TMEM87A: variants seen among roughly 807,000 people sequenced by gnomAD.
TMEM87A encodes the protein Golgi-pH regulating cation channel.
Under a neutral mutation model 90.0 loss-of-function variants are expected in TMEM87A, and 50 were observed. The ratio of observed to expected loss-of-function variants is 0.56; its 90% CI spans 0.44 to 0.70. TMEM87A has a LOEUF of 0.70. Among genes scored for constraint, TMEM87A ranks in the 30% least tolerant of loss-of-function variants. The pLI is 0.00. For missense variants in TMEM87A, 577 were observed against 660.5 expected, an observed-to-expected ratio of 0.87 and a Z score of 1.39; for synonymous variants, 226 against 226.7, an observed-to-expected ratio of 1.00 and a Z score of 0.03.
At chr15:42,268,123 C>T (rs1322717465) in intron 2 of TMEM87A, 91 bp from the exon 3 acceptor site, 3 of 961,086 alleles carry the variant, frequency 3.1e-6, no homozygotes, top group South Asian at 1.7e-5. Flanking sequence ...TCATTTCGTA[C>T]CCTAAACTGA....
intron 9 of TMEM87A, 112 bp downstream of exon 9, chr15:42,237,320 T>C: frequency 1.0e-6 from 1 of 1,000,542 alleles, no homozygotes; most frequent in Middle Eastern, 3.0e-4. Flanking sequence ...GATATTGTAA[T>C]AATTAAGTAA....
intron 15 of TMEM87A, among the ~76,000 whole-genome samples, chr15:42,226,389 ATAG>A (rs894054350): frequency 6.6e-6 from 1 of 151,834 alleles, no homozygotes; most frequent in Admixed American, 6.6e-5. Context: ...TATTGCACAC[ATAG>A]TAGACTACAG....
rs1300203697 is a variant in TMEM87A, at chr15:42,237,480, C to T, written c.820G>A (p.Ala274Thr). 9 of 1,613,974 alleles carry T rather than the reference C, an allele frequency of 5.6e-6. No individual in the cohort carries two copies. Among genetic ancestry groups the T allele is most frequent in the Non-Finnish European group, 7.6e-6 (9 of 1,180,018 alleles). The change falls in exon 9 of 20, where the codon GCT becomes ACT. Residue 274 changes from alanine to threonine, a missense_variant. Transcript: ENST00000389834. ...TTCTGAAATTCCGCATAGAAGACAG[C>T]TTTCTCAAGCATTCCCAGGAAGATG... ...AVIFLGMLEK[A>T]VFYAEFQNIR...
At position 42,211,560 on chromosome 15, in the gene TMEM87A, C is replaced by T; in HGVS notation, c.*148G>A. 1 of 726,604 alleles carries T rather than the reference C, an allele frequency of 1.4e-6. No individual in the cohort carries two copies. Among genetic ancestry groups the T allele is most frequent in the Non-Finnish European group, 2.3e-6 (1 of 439,728 alleles). The allele number at this position is 726,604 out of a possible 1,614,324, so 45.0% of individuals were successfully genotyped here. On this transcript the variant is annotated 3_prime_UTR_variant, in exon 20 of 20. Coordinates refer to ENST00000389834, the MANE Select transcript of TMEM87A (RefSeq NM_015497.5). ...GTAAGATGTTCTCTTTGTTCTGACA[C>T]CTCTCGCCAACTCCAATGCCCAAAG...
rs760732512 is a variant in TMEM87A, at chr15:42,244,084, T to G, written c.588A>C (p.Ser196=). The G allele has an allele frequency of 6.4e-7, 1 of 1,573,768 alleles. No homozygotes were observed. The highest frequency in any genetic ancestry group is 1.2e-5 in the South Asian group (1 of 82,330). Residue 196 remains serine (S), a synonymous_variant, in exon 7 of 20, where the codon TCA becomes TCC. Transcript: ENST00000389834. ...GATTACTCAGTGAATTTTCTTTTGATGATTCCTTTGAGGATGAAATGCCAA... is the reference window on the plus strand; with the variant it reads ...GATTACTCAGTGAATTTTCTTTTGAGGATTCCTTTGAGGATGAAATGCCAA... The part of the protein sequence containing the change: ...VHIGISSSKE[S]SKENSLSNLF...
Position 42,273,390 on chromosome 15 carries a change from C to T in TMEM87A, c.9G>A (p.Ala3=), listed in dbSNP as rs2277533. 8.1e-6 allele frequency: 13 copies of T among 1,613,928 alleles called. No individual in the cohort carries two copies. The highest frequency in any genetic ancestry group is 1.7e-5 in the Admixed American group (1 of 59,996). MA[A]AAWLQVLPVI... is the part of the protein sequence containing the mutation. ...CAGGCAACACCTGAAGCCACGCAGC[C>T]GCCGCCATCTTCACAGCCGTGGAGT... The change falls in exon 1 of 20, where the codon GCG becomes GCA. Residue 3 remains alanine (A), a synonymous_variant. Coordinates refer to ENST00000389834, the MANE Select transcript of TMEM87A (RefSeq NM_015497.5).
At chr15:42,243,396 G>A (rs920331904) in intron 7 of TMEM87A, among the ~76,000 whole-genome samples, 8 of 151,564 alleles carry the variant, frequency 5.3e-5, no homozygotes, top group African/African-American at 1.7e-4. Context: ...AATAAGACCA[G>A]TTAGGAAGTT....
At position 42,222,071 on chromosome 15, in the gene TMEM87A, G is replaced by T. The variant is rs150309189; in HGVS notation, c.1404-1936C>A. ...CGCCTGGCCAAATGTTTTTTTGGTT[G>T]TTTTTTTTGAGAAAGAGTTTCACTC... On this transcript the variant is annotated intron_variant, in intron 15 of 19. Coordinates refer to ENST00000389834, the MANE Select transcript of TMEM87A (RefSeq NM_015497.5). Among the ~76,000 whole-genome samples the T allele has an allele frequency of 7.9e-5, 12 of 151,926 alleles. No individual in the cohort carries two copies. The East Asian group carries it at 2.3e-3, about 29-fold the overall frequency.
intron 12 of TMEM87A, 128 bp downstream of exon 12, chr15:42,231,064 C>T (rs2050677915): frequency 2.6e-6 from 2 of 779,994 alleles, no homozygotes; most frequent in Non-Finnish European, 4.1e-6. Context: ...TAAGACTTAG[C>T]ATGCACTGTT....
rs3743011 is a variant in TMEM87A at position 42,236,325 on chromosome 15, G to A, written c.963C>T (p.Ile321=). ...TACAGGAAGTTAATACTTACTTGACGATGCCATATCCCAGACTGACTATGA... is the reference window on the plus strand; with the variant it reads ...TACAGGAAGTTAATACTTACTTGACAATGCCATATCCCAGACTGACTATGA... The part of the protein sequence containing the change: ...LVIIVSLGYG[I]VKPRLGVTLH... Residue 321 remains isoleucine, a synonymous_variant, in exon 10 of 20, where the codon ATC becomes ATT. Transcript: ENST00000389834. 4,382 of 1,613,610 alleles carry A rather than the reference G, an allele frequency of 2.7e-3. 216 individuals carry two copies. In the East Asian group the frequency reaches 0.09, roughly 33 times the overall value.
In TMEM87A at chr15:42,236,384, C is replaced by A; in HGVS notation, c.904G>T (p.Ala302Ser). Residue 302 changes from alanine (A) to serine (S), a missense_variant, in exon 10 of 20, where the codon GCA becomes TCA. Physicochemically the swap from Ala to Ser is moderately conservative, Grantham distance 99. Transcript: ENST00000389834. Reference protein sequence around the residue: ...GALILAELLSAVKRSLARTLV... With the variant: ...GALILAELLSSVKRSLARTLV... ...GTTCGAGCCAGTGAGCGTTTCACTG[C>A]TGAAAGCAGCTCTGCAAGGATCAAA... The A allele has an allele frequency of 6.2e-7, 1 of 1,614,090 alleles. No homozygotes were observed. The highest frequency in any genetic ancestry group is 1.1e-5 in the South Asian group (1 of 91,088).
In TMEM87A at chr15:42,233,240, G is replaced by C. The variant is rs775558409; in HGVS notation, c.1035C>G (p.Gly345=). The C allele has an allele frequency of 6.2e-6, 10 of 1,613,820 alleles. No homozygotes were observed. In the African/African-American group the frequency reaches 1.1e-4, roughly 17 times the overall value. Reference sequence around the variant, plus strand: ...CAGTAACTCTGAGGACCCCTTCCATGCCAGAGAACAAAAGATAGAGGGCTC... The same window carrying C: ...CAGTAACTCTGAGGACCCCTTCCATCCCAGAGAACAAAAGATAGAGGGCTC... ...VAGALYLLFS[G]MEGVLRVTGA... Residue 345 remains glycine, a synonymous_variant, in exon 11 of 20, where the codon GGC becomes GGG. Coordinates refer to ENST00000389834, the MANE Select transcript of TMEM87A (RefSeq NM_015497.5).
At chr15:42,272,713 C>T (rs2051565334) in intron 1 of TMEM87A, 1 of 330,174 alleles carries the variant, frequency 3.0e-6, no homozygotes, top group Non-Finnish European at 6.0e-6. Flanking sequence ...CAATTTTAAC[C>T]ATTCCCATGT....
chr15:42,260,881 G>A (rs2051274220), intron 6 of TMEM87A, 77 bp downstream of exon 6: 1 of 1,465,284 alleles, frequency 6.8e-7, no homozygotes, highest in Admixed American at 2.0e-5. Context: ...CATAGTATGG[G>A]AGAACAATTC....
chr15:42,242,359 G>C (rs2050887845), intron 7 of TMEM87A, among the ~76,000 whole-genome samples: 1 of 152,162 alleles, frequency 6.6e-6, no homozygotes, highest in Non-Finnish European at 1.5e-5. Flanking sequence ...CAGGCTGGAT[G>C]CATGAAGAAG....
intron 11 of TMEM87A, chr15:42,232,965 G>A (rs942413187): frequency 2.2e-5 from 6 of 271,114 alleles, no homozygotes; most frequent in African/African-American, 1.3e-4. Context: ...TACTGCTTGG[G>A]AGGAGGAACT....
At position 42,258,051 on chromosome 15, in the gene TMEM87A, A is replaced by G. The variant is rs527752234; in HGVS notation, c.504+2907T>C. 514 of 973,938 alleles carry G rather than the reference A, an allele frequency of 5.3e-4. 1 individual carries two copies. Among genetic ancestry groups the G allele is most frequent in the Non-Finnish European group, 5.9e-4 (486 of 819,482 alleles). 60.3% of individuals were successfully genotyped at this position (973,938 alleles called of 1,614,324 possible). ...AGACTTAAAAGCAAATGTAGTTAAA[A>G]TATTAATCACAACACTGCATAAAAT... is the stretch of plus-strand genomic sequence containing the variant. On this transcript the variant is annotated intron_variant, in intron 6 of 19. Transcript: ENST00000389834.
chr15:42,250,101 T>G (rs1401882011), intron 6 of TMEM87A, among the ~76,000 whole-genome samples: 1 of 152,246 alleles, frequency 6.6e-6, no homozygotes, highest in Non-Finnish European at 1.5e-5. Context: ...GCTTTTTCTT[T>G]TGCTTTCCAT....
intron 7 of TMEM87A, among the ~76,000 whole-genome samples, chr15:42,243,554 T>C (rs2050914064): frequency 6.7e-6 from 1 of 149,672 alleles, no homozygotes; most frequent in East Asian, 2.0e-4. Context: ...ACGAAAGTTC[T>C]TGTTGCCCAG....
Sources: allele counts gnomAD v4.1 joint callset (sites outside exome capture counted in the v4.1 genomes callset), GRCh38; gene constraint gnomAD v4.1.1; transcripts MANE v1.5; gene names NCBI Gene and HGNC (gene_info 2026-07-23, HGNC 2026-07-21).